TRAF2: variants seen among roughly 807,000 people sequenced by gnomAD.
TRAF2 encodes TNF receptor associated factor 2, also known as TNF receptor-associated factor 2.
A neutral mutation model predicts 55.6 loss-of-function variants in TRAF2; 6 were observed. That is an observed-to-expected ratio of 0.11 (90% CI 0.06 to 0.21). The LOEUF (loss-of-function observed/expected upper bound fraction) is 0.21, where lower values mean the gene tolerates loss of function less well. TRAF2 is among the 10% of genes least tolerant of loss of function. The pLI, the probability that TRAF2 is intolerant of heterozygous loss-of-function variation, is 1.00. For missense variants in TRAF2, 561 were observed against 684.5 expected (o/e 0.82, Z 2.01); for synonymous variants, 329 against 276.3 (o/e 1.19, Z -1.89).
intron 7 of TRAF2, 120 bp from the exon 8 acceptor site, chr9:136,920,114 C>T: frequency 7.8e-7 from 1 of 1,276,164 alleles, no homozygotes; most frequent in Non-Finnish European, 1.0e-6. Flanking sequence ...ACCCAGGCAT[C>T]CCTATCTATG....
At chr9:136,887,070 G>A (rs570229592) in intron 1 of TRAF2, among the ~76,000 whole-genome samples, 7 of 152,300 alleles carry the variant, frequency 4.6e-5, no homozygotes, top group African/African-American at 1.7e-4. Flanking sequence ...GCTGGGGGCG[G>A]AGCCGACTCT....
chr9:136,908,537 A>G (rs1053401235), intron 5 of TRAF2, among the ~76,000 whole-genome samples: 14 of 152,092 alleles, frequency 9.2e-5, no homozygotes, highest in East Asian at 3.9e-4. Context: ...CCTGGCCAAC[A>G]TGGTGAAACC....
chr9:136,883,698 G>A (rs1221508323), upstream of TRAF2, among the ~76,000 whole-genome samples: 1 of 151,906 alleles, frequency 6.6e-6, no homozygotes, highest in Admixed American at 6.6e-5. Context: ...TGTATTTTTA[G>A]TAGAGACAGG....
intron 2 of TRAF2, 58 bp from the exon 3 acceptor site, chr9:136,899,536 G>A: frequency 6.5e-7 from 1 of 1,533,444 alleles, no homozygotes; most frequent in South Asian, 1.2e-5. Context: ...AGCAAATGGT[G>A]TTTGTTTTTT....
chr9:136,888,854 A>G (rs1379620295), intron 1 of TRAF2, among the ~76,000 whole-genome samples: 1 of 152,206 alleles, frequency 6.6e-6, no homozygotes, highest in African/African-American at 2.4e-5. Context: ...CCTACCAGCA[A>G]CAAGGGTGCC....
Position 136,926,060 on chromosome 9 carries a change from G to A in TRAF2, c.*159G>A. On this transcript the variant is annotated 3_prime_UTR_variant, in exon 11 of 11. Transcript: ENST00000247668. ...CTGCAGCCAAGTTCACTGTCACGGG[G>A]GAAGGAGCCACCAGCCAGTCCTCAG... 1 of 893,070 alleles carries A rather than the reference G, an allele frequency of 1.1e-6. No homozygotes were observed. The allele number at this position is 893,070 out of a possible 1,614,324, so 55.3% of individuals were successfully genotyped here.
At chr9:136,917,774 T>A (rs935643396) in intron 7 of TRAF2, among the ~76,000 whole-genome samples, 1 of 152,156 alleles carries the variant, frequency 6.6e-6, no homozygotes, top group African/African-American at 2.4e-5. Flanking sequence ...CGTTGGATAG[T>A]CTTCTGCTGT....
In TRAF2 at chr9:136,898,714, G is replaced by A; in HGVS notation, c.-27G>A. On this transcript the variant is annotated splice_region_variant and 5_prime_UTR_variant, in exon 2 of 11. Coordinates refer to ENST00000247668, the MANE Select transcript of TRAF2 (RefSeq NM_021138.4). ...AACGTGCTGTGTGTTCTTCCTTAGG[G>A]CTTTGTTCGCGGGGGTCACAGCTCT... The A allele has an allele frequency of 6.2e-7, 1 of 1,612,586 alleles. No individual in the cohort carries two copies. The highest frequency in any genetic ancestry group is 8.5e-7 in the Non-Finnish European group (1 of 1,179,972).
rs775238233 is a variant in TRAF2, at chr9:136,900,580, C to T, written c.366+60C>T. 90 of 1,388,006 alleles carry T rather than the reference C, an allele frequency of 6.5e-5. 2 individuals carry two copies. The South Asian group carries it at 9.1e-4, about 14-fold the overall frequency. 86.0% of individuals were successfully genotyped at this position (1,388,006 alleles called of 1,614,324 possible). On this transcript the variant is annotated intron_variant, in intron 4 of 10. Transcript: ENST00000247668. ...CTCCAGCAGTCGGGAGTCGTCCACG[C>T]TCCCCAAGCAGTTATGACCTTGTCC...
At chr9:136,920,136 TCTC>T (rs1446947440) in intron 7 of TRAF2, 95 bp from the exon 8 acceptor site, 1 of 1,426,500 alleles carries the variant, frequency 7.0e-7, no homozygotes, top group Non-Finnish European at 9.2e-7. Context: ...CCCTGGCCTG[TCTC>T]CTCAGCTCAG....
At chr9:136,899,893 C>T (rs1849774689) in intron 3 of TRAF2, among the ~76,000 whole-genome samples, 1 of 152,042 alleles carries the variant, frequency 6.6e-6, no homozygotes, top group African/African-American at 2.4e-5. Context: ...GGGCCGGGCT[C>T]AGTGTCTCAC....
At chr9:136,919,888 A>T (rs1158956199) in intron 7 of TRAF2, among the ~76,000 whole-genome samples, 1 of 151,846 alleles carries the variant, frequency 6.6e-6, no homozygotes, top group African/African-American at 2.4e-5. Context: ...GCTAATTTTT[A>T]AAAATTTTTT....
intron 1 of TRAF2, 36 bp from the exon 2 acceptor site, chr9:136,898,677 G>C: frequency 6.2e-7 from 1 of 1,606,614 alleles, no homozygotes; most frequent in East Asian, 2.2e-5. Context: ...GACTGTTCTG[G>C]AATTGAGGTG....
intron 7 of TRAF2, among the ~76,000 whole-genome samples, chr9:136,918,006 G>A (rs923144506): frequency 5.9e-5 from 9 of 151,972 alleles, no homozygotes; most frequent in East Asian, 1.9e-4. Context: ...GGATCTCCCC[G>A]TGCTGGCACA....
chr9:136,899,963 C>T (rs550672011), intron 3 of TRAF2, among the ~76,000 whole-genome samples: 5 of 152,080 alleles, frequency 3.3e-5, no homozygotes, highest in East Asian at 3.9e-4. Flanking sequence ...GTAAGGAGTT[C>T]GAGACCAGCC....
chr9:136,904,078 G>GC (rs1458119496), intron 4 of TRAF2, among the ~76,000 whole-genome samples: 2 of 152,226 alleles, frequency 1.3e-5, no homozygotes, highest in African/African-American at 4.8e-5. Flanking sequence ...CCTACATGCT[G>GC]CCCCGCAGCA....
chr9:136,886,551 G>GC lies in TRAF2; in HGVS notation c.-29+11dup. ...GCGCTGCGACCGTTGGGTGAGGCGA[G>GC]CGCGGGGTCGGGTGCGGGGTCGGGC... On this transcript the variant is annotated intron_variant, in intron 1 of 10. Transcript: ENST00000247668. The GC allele has an allele frequency of 3.1e-6, 3 of 983,080 alleles. No individual in the cohort carries two copies. The highest frequency in any genetic ancestry group is 3.6e-6 in the Non-Finnish European group (3 of 828,956). 60.9% of individuals were successfully genotyped at this position (983,080 alleles called of 1,614,324 possible). A position where few individuals can be genotyped will look rare whatever the true frequency, so the allele number is the denominator to read the frequency against.
chr9:136,914,319 C>T (rs1403053064), intron 6 of TRAF2, among the ~76,000 whole-genome samples: 1 of 152,224 alleles, frequency 6.6e-6, no homozygotes, highest in African/African-American at 2.4e-5. Flanking sequence ...ATCGCACCCC[C>T]CATTCCCAGC....
intron 3 of TRAF2, among the ~76,000 whole-genome samples, 160 bp downstream of exon 3, chr9:136,899,832 C>T (rs1015062391): frequency 6.6e-6 from 1 of 152,000 alleles, no homozygotes; most frequent in Non-Finnish European, 1.5e-5. Flanking sequence ...TGAGACCAGC[C>T]TGGGCAACAT....
Sources: allele counts gnomAD v4.1 joint callset (sites outside exome capture counted in the v4.1 genomes callset), GRCh38; gene constraint gnomAD v4.1.1; transcripts MANE v1.5; gene names NCBI Gene and HGNC (gene_info 2026-07-23, HGNC 2026-07-21).